The following SLC6A16 variants were observed in gnomAD, a reference collection of about 807,000 sequenced individuals.
SLC6A16 encodes orphan sodium- and chloride-dependent neurotransmitter transporter NTT5.
Under a neutral mutation model 65.4 loss-of-function variants are expected in SLC6A16, and 54 were observed. The observed-to-expected ratio is 0.83, with a 90% CI of 0.66 to 1.04. SLC6A16 has a LOEUF of 1.04. Ranked by LOEUF, SLC6A16 falls within the 50% of genes least tolerant of loss-of-function variation. The pLI, the probability that SLC6A16 is intolerant of heterozygous loss-of-function variation, is 0.00. For missense variants in SLC6A16, 816 were observed against 914.0 expected (o/e 0.89, Z 1.38); for synonymous variants, 330 against 346.5 (o/e 0.95, Z 0.53).
At chr19:49,338,630 A>C in the SLC6A16 span, 1 of 1,157,446 alleles carries the variant, frequency 8.6e-7, no homozygotes, top group Non-Finnish European at 1.3e-6. The surrounding 1 kb of genome is among the most constrained non-coding windows in gnomAD (Gnocchi z 5.0). Flanking sequence ...CATACCCATC[A>C]CCTTGTCCCC....
At chr19:49,330,945 A>C in the SLC6A16 span, among the ~76,000 whole-genome samples, 1 of 145,050 alleles carries the variant, frequency 6.9e-6, no homozygotes, top group Non-Finnish European at 1.5e-5. Context: ...AAAAAAAAAC[A>C]CAAAAAAAAA....
At position 49,293,278 on chromosome 19, in the gene SLC6A16, T is replaced by A; in HGVS notation, c.1723A>T (p.Ile575Phe). 5.0e-6 allele frequency: 8 copies of A among 1,614,020 alleles called. No homozygotes were observed. The highest frequency in any genetic ancestry group is 6.8e-6 in the Non-Finnish European group (8 of 1,179,984). Residue 575 changes from isoleucine to phenylalanine, a missense_variant, in exon 10 of 12, where the codon ATC becomes TTC. By Grantham distance (21) the Ile-to-Phe change is conservative. Transcript: ENST00000335875. ...ATGGTTTCAAATACGACAACGACGATGATGGGGAAGACTATCCAGTAGTCA... is the reference window on the plus strand; with the variant it reads ...ATGGTTTCAAATACGACAACGACGAAGATGGGGAAGACTATCCAGTAGTCA... ...LSDYWIVFPI[I>F]VVVVFETMAV...
intron 2 of SLC6A16, 38 bp downstream of exon 2, chr19:49,310,895 C>T (rs774540596): frequency 1.4e-6 from 2 of 1,457,456 alleles, no homozygotes; most frequent in Admixed American, 1.8e-5. Flanking sequence ...GTCCTGATTG[C>T]CCCTTGTGGA....
chr19:49,309,008 T>G lies in SLC6A16; in HGVS notation c.1097A>C (p.Gln366Pro). The change falls in exon 7 of 12, where the codon CAG (glutamine) becomes CCG (proline). Residue 366 changes from glutamine to proline, a missense_variant. Gln to Pro is a moderately conservative substitution (Grantham distance 76). Coordinates refer to ENST00000335875, the MANE Select transcript of SLC6A16 (RefSeq NM_014037.3). ...SVASLASYMP[Q>P]SNNCLSDAFL... ...GGCATCACTGAGACAGTTGTTGGAC[T>G]GGGGCATGTAGGAGGCTAAGGAGGC... The G allele has an allele frequency of 6.2e-7, 1 of 1,614,186 alleles. No homozygotes were observed. Among genetic ancestry groups the G allele is most frequent in the East Asian group, 2.2e-5 (1 of 44,884 alleles).
At chr19:49,291,814 T>C (rs1160731045) in intron 10 of SLC6A16, among the ~76,000 whole-genome samples, 2 of 151,964 alleles carry the variant, frequency 1.3e-5, no homozygotes, top group Admixed American at 1.3e-4. Context: ...TATTCATCTG[T>C]CCAGGCTCTG....
the SLC6A16 span, chr19:49,339,231 A>T: frequency 9.7e-7 from 1 of 1,032,424 alleles, no homozygotes; most frequent in African/African-American, 1.6e-5. The surrounding 1 kb of genome is among the most constrained non-coding windows in gnomAD (Gnocchi z 4.5). Flanking sequence ...GGGAGCGGGT[A>T]GATGCCTGAA....
chr19:49,311,404 G>C lies in SLC6A16; in HGVS notation c.-57C>G. ...TCTGCAAGGGAGGGTTCATCTTCCT[G>C]AGGAGACCTGAAGGACACCAAAATC... On this transcript the variant is annotated 5_prime_UTR_variant, in exon 2 of 12. Transcript: ENST00000335875. 1 of 1,512,040 alleles carries C rather than the reference G, an allele frequency of 6.6e-7. No homozygotes were observed. The highest frequency in any genetic ancestry group is 8.8e-7 in the Non-Finnish European group (1 of 1,130,738). The allele number at this position is 1,512,040 out of a possible 1,614,324, so 93.7% of individuals were successfully genotyped here.
Position 49,293,975 on chromosome 19 carries a change from G to A in SLC6A16, c.1470C>T (p.Phe490=). The A allele has an allele frequency of 6.2e-7, 1 of 1,613,670 alleles. No homozygotes were observed. Among genetic ancestry groups the A allele is most frequent in the Non-Finnish European group, 8.5e-7 (1 of 1,180,020 alleles). ...AAGACCAGAAGACAGACGGAGGAAG[G>A]AAGGACATGGCTTCAACAAAGGACA... ...AFLSFVEAMS[F]LPPSVFWSFI... is the part of the protein sequence containing the mutation. Residue 490 remains phenylalanine (F), a synonymous_variant, in exon 9 of 12, where the codon TTC becomes TTT. Transcript: ENST00000335875.
chr19:49,300,459 C>A (rs1325390668), intron 7 of SLC6A16, among the ~76,000 whole-genome samples: 1 of 151,870 alleles, frequency 6.6e-6, no homozygotes, highest in Non-Finnish European at 1.5e-5. Flanking sequence ...CTTTAGACAT[C>A]GATAAATTAA....
At chr19:49,314,865 AG>A (rs1342323898) in intron 1 of SLC6A16, among the ~76,000 whole-genome samples, 1 of 152,212 alleles carries the variant, frequency 6.6e-6, no homozygotes, top group Non-Finnish European at 1.5e-5. Flanking sequence ...AATAAAGACA[AG>A]GAAAGATGGA....
chr19:49,326,619 T>A (rs1486261362), upstream of SLC6A16, among the ~76,000 whole-genome samples: 1 of 152,224 alleles, frequency 6.6e-6, no homozygotes, highest in Non-Finnish European at 1.5e-5. Flanking sequence ...CTGGGAATAG[T>A]GTAGAGAACA....
chr19:49,339,537 C>A, the SLC6A16 span: 1 of 1,469,286 alleles, frequency 6.8e-7, no homozygotes, highest in African/African-American at 1.4e-5. This position sits in a 1 kb window ranked among gnomAD's most constrained non-coding sequence, Gnocchi z 4.5. Flanking sequence ...CACCCCGGCC[C>A]TCCCGCCGCT....
intron 1 of SLC6A16, among the ~76,000 whole-genome samples, chr19:49,314,118 T>C: frequency 6.6e-6 from 1 of 150,860 alleles, no homozygotes; most frequent in Non-Finnish European, 1.5e-5. Context: ...ATCATAATCA[T>C]AATCATAATC....
At chr19:49,309,216 T>G in intron 6 of SLC6A16, 85 bp downstream of exon 6, 1 of 1,581,856 alleles carries the variant, frequency 6.3e-7, no homozygotes, top group Non-Finnish European at 8.7e-7. Flanking sequence ...GATACAAAAG[T>G]AAAGAATGGG....
chr19:49,291,419 C>A (rs552740228), intron 10 of SLC6A16, among the ~76,000 whole-genome samples: 1 of 152,158 alleles, frequency 6.6e-6, no homozygotes, highest in African/African-American at 2.4e-5. Flanking sequence ...ATACGTCTTT[C>A]TCTTTGGACT....
intron 7 of SLC6A16, among the ~76,000 whole-genome samples, chr19:49,303,970 A>AC (rs772846794): frequency 6.6e-6 from 1 of 152,146 alleles, no homozygotes; most frequent in South Asian, 2.1e-4. Context: ...CCTAAGAGAT[A>AC]CCCCCTTCAA....
At chr19:49,293,183 T>G (rs372956244) in intron 10 of SLC6A16, 40 bp downstream of exon 10, 151 of 1,607,762 alleles carry the variant, frequency 9.4e-5, no homozygotes, top group Admixed American at 1.7e-5. Flanking sequence ...CCCTTCCCTA[T>G]AGTCCCATGC....
chr19:49,293,143 T>C (rs1970109546), intron 10 of SLC6A16, 80 bp downstream of exon 10: 2 of 1,364,508 alleles, frequency 1.5e-6, no homozygotes, highest in Non-Finnish European at 1.0e-6. Flanking sequence ...ACTAGGTGGG[T>C]TGACAGTAGA....
chr19:49,339,774 C>T, the SLC6A16 span: 2 of 1,370,624 alleles, frequency 1.5e-6, no homozygotes, highest in East Asian at 2.8e-5. This position sits in a 1 kb window ranked among gnomAD's most constrained non-coding sequence, Gnocchi z 4.5. Flanking sequence ...TCGCTGACGG[C>T]GGCGGCGGGC....
Sources: gnomAD v4.1 joint callset for allele counts (sites outside exome capture counted in the v4.1 genomes callset) on GRCh38, gnomAD v4.1.1 for gene constraint, Gnocchi (gnomAD v3.1) non-coding constraint, MANE v1.5 for transcripts, NCBI Gene and HGNC (gene_info 2026-07-23, HGNC 2026-07-21) for gene names.